The following MAP7D2 variants were observed in gnomAD, a reference collection of about 807,000 sequenced individuals.
MAP7D2 encodes the protein MAP7 domain containing 2.
MAP7D2 carries 33 observed loss-of-function variants against 63.5 expected under a neutral mutation model. The observed-to-expected ratio is 0.52, with a 90% confidence interval of 0.39 to 0.70. The LOEUF (loss-of-function observed/expected upper bound fraction) is 0.70, where lower values mean the gene tolerates loss of function less well. MAP7D2 is among the 30% of genes least tolerant of loss of function. The probability of loss-of-function intolerance (pLI) is 0.00; values close to 1 mark genes in which losing one functional copy is unlikely to be tolerated. For synonymous variants in MAP7D2, 224 were observed against 223.7 expected, an observed-to-expected ratio of 1.00 and a Z score of -0.01; for missense variants, 626 against 604.0, an observed-to-expected ratio of 1.04 and a Z score of -0.38.
At chrX:20,073,821 C>T (rs1172918091) in intron 1 of MAP7D2, among the ~76,000 whole-genome samples, 4 of 101,924 alleles carry the variant, frequency 3.9e-5, no homozygotes, top group African/African-American at 7.0e-5. Flanking sequence ...CCACTGCACC[C>T]GGCCCATTTC....
chrX:20,078,866 G>C (rs1470863447), intron 1 of MAP7D2, among the ~76,000 whole-genome samples: 1 of 109,121 alleles, frequency 9.2e-6, no homozygotes, highest in Non-Finnish European at 1.9e-5. Context: ...GACCCTCCCT[G>C]ATCTTTAATC....
intron 8 of MAP7D2, among the ~76,000 whole-genome samples, chrX:20,028,398 C>T (rs1194827796): frequency 8.9e-6 from 1 of 111,887 alleles, no homozygotes; most frequent in African/African-American, 3.3e-5. Flanking sequence ...AACTAAAAAT[C>T]CAAATAATCC....
At chrX:20,045,666 T>C (rs1211537021) in intron 6 of MAP7D2, among the ~76,000 whole-genome samples, 1 of 110,060 alleles carries the variant, frequency 9.1e-6, no homozygotes, top group Non-Finnish European at 1.9e-5. Context: ...GCACAACTAG[T>C]GTCAGAAATG....
chrX:20,095,544 C>T (rs2066234512), intron 1 of MAP7D2, among the ~76,000 whole-genome samples: 1 of 110,318 alleles, frequency 9.1e-6, no homozygotes, highest in African/African-American at 3.3e-5. Flanking sequence ...CCCTGTCTCC[C>T]CACTTCTCCC....
chrX:20,075,638 G>C (rs914612019), intron 1 of MAP7D2, among the ~76,000 whole-genome samples: 1 of 111,344 alleles, frequency 9.0e-6, no homozygotes, highest in Non-Finnish European at 1.9e-5. Flanking sequence ...GCCAGAGGAC[G>C]AGGCAAAAAG....
rs2073237514 is a variant in MAP7D2 at position 20,012,480 on chromosome X, T to A, written c.1941A>T (p.Pro647=). 1 of 1,203,118 alleles carries A rather than the reference T, an allele frequency of 8.3e-7. No individual in the cohort carries two copies. The highest frequency in any genetic ancestry group is 1.8e-5 in the African/African-American group (1 of 56,677). The change falls in exon 15 of 17, where the codon CCA becomes CCT. Residue 647 remains proline (P), a synonymous_variant. Coordinates refer to ENST00000379643, the MANE Select transcript of MAP7D2 (RefSeq NM_001168465.2). ...QEVNGVDHAA[P]ETYPQDIFSN... The stretch of plus-strand genomic sequence containing the variant: ...AGAAAATGTCTTGGGGATAAGTTTC[T>A]GGGGCAGCGTGATCCACACCATTAA...
intron 1 of MAP7D2, among the ~76,000 whole-genome samples, chrX:20,094,516 G>A (rs5909352): frequency 0.17 from 1,988 of 11,477 alleles, 182 homozygotes; most frequent in South Asian, 0.22. Flanking sequence ...ATATATATAT[G>A]TATATATATA....
chrX:20,044,924 G>A (rs938219654), intron 6 of MAP7D2, among the ~76,000 whole-genome samples: 6 of 111,723 alleles, frequency 5.4e-5, no homozygotes, highest in Non-Finnish European at 7.5e-5. Flanking sequence ...TTAGATTTCA[G>A]GAGGGTTCCC....
intron 7 of MAP7D2, 115 bp downstream of exon 7, chrX:20,044,249 G>T: frequency 1.3e-6 from 1 of 773,242 alleles, no homozygotes; most frequent in South Asian, 2.9e-5. Flanking sequence ...TTCCTGCTTT[G>T]AGCAGTCCCA....
intron 5 of MAP7D2, among the ~76,000 whole-genome samples, 171 bp from the exon 6 acceptor site, chrX:20,051,117 CA>C (rs1332191931): frequency 8.9e-6 from 1 of 112,483 alleles, no homozygotes; most frequent in Admixed American, 9.4e-5. Context: ...TAAAATAAAA[CA>C]AATAATGTGT....
intron 10 of MAP7D2, among the ~76,000 whole-genome samples, chrX:20,024,645 G>A (rs1444664317): frequency 8.9e-6 from 1 of 112,195 alleles, no homozygotes; most frequent in Non-Finnish European, 1.9e-5. Flanking sequence ...AGACTTCCCT[G>A]ATAGCTCTAG....
chrX:20,068,259 T>C (rs2065409356), intron 1 of MAP7D2, among the ~76,000 whole-genome samples: 1 of 111,735 alleles, frequency 8.9e-6, no homozygotes, highest in Non-Finnish European at 1.9e-5. Flanking sequence ...GGGCACACTT[T>C]AGGCGCTTAA....
chrX:20,071,852 A>G (rs1317171417), intron 1 of MAP7D2, among the ~76,000 whole-genome samples: 1 of 111,326 alleles, frequency 9.0e-6, no homozygotes, highest in East Asian at 2.8e-4. Flanking sequence ...ACTGGGTCTT[A>G]CTATGCTGCC....
At chrX:20,108,920 T>C (rs187277368) in intron 1 of MAP7D2, among the ~76,000 whole-genome samples, 83 of 110,156 alleles carry the variant, frequency 7.5e-4, no homozygotes, top group African/African-American at 2.7e-3. Flanking sequence ...TTAACAATAA[T>C]TGTGGGCACA....
At chrX:20,096,081 CAAAAAAAAAA>C (rs1208579984) in intron 1 of MAP7D2, among the ~76,000 whole-genome samples, 15 of 14,906 alleles carry the variant, frequency 1.0e-3, no homozygotes, top group Non-Finnish European at 1.6e-3. Context: ...GACTCTTCCT[CAAAAAAAAAA>C]AAAAAAAAAA....
intron 15 of MAP7D2, 125 bp downstream of exon 15, chrX:20,012,224 T>C: frequency 4.0e-6 from 2 of 500,256 alleles, no homozygotes; most frequent in Non-Finnish European, 6.5e-6. Context: ...ACTGAGAGCT[T>C]TCCTGTAATG....
Position 20,024,953 on chromosome X carries a change from AT to A in MAP7D2, c.1409del (p.Asp470ValfsTer8), listed in dbSNP as rs1305953519. 1 of 1,209,890 alleles carries A rather than the reference AT, an allele frequency of 8.3e-7. No homozygotes were observed. Among genetic ancestry groups the A allele is most frequent in the South Asian group, 1.8e-5 (1 of 56,596 alleles). ...EQERLEKEEQ[D>X]RLEREELKRK... is the part of the protein sequence containing the mutation. Reference sequence around the variant, plus strand: ...CGAAATTCTGAGCACTAGCATACCTATCTTGTTCTTCCTTCTCCAGTCGTTC... The same window carrying A: ...CGAAATTCTGAGCACTAGCATACCTACTTGTTCTTCCTTCTCCAGTCGTTC... On this transcript the variant is annotated frameshift_variant, in exon 10 of 17. Transcript: ENST00000379643. LOFTEE classifies it high-confidence loss of function.
chrX:20,044,491 C>T lies in MAP7D2; in HGVS notation c.752G>A (p.Gly251Asp). 1 of 1,209,912 alleles carries T rather than the reference C, an allele frequency of 8.3e-7. No individual in the cohort carries two copies. The highest frequency in any genetic ancestry group is 2.3e-4 in the Middle Eastern group (1 of 4,351). Residue 251 changes from glycine to aspartate, a missense_variant, in exon 7 of 17, where the codon GGC becomes GAC. Transcript: ENST00000379643. ...AGACTTGTAAGAAGGGTTAAGAGGG[C>T]CAAGAGGAGCTAAACGAGGACAGAC... ...FHVCPRLAPLGPLNPSYKSSP... is the reference protein window; with the variant it reads ...FHVCPRLAPLDPLNPSYKSSP...
intron 3 of MAP7D2, among the ~76,000 whole-genome samples, chrX:20,061,118 C>CAAAAAAAAAAAAAAAAAA (rs780468494): frequency 2.9e-5 from 1 of 34,878 alleles, no homozygotes; most frequent in Non-Finnish European, 5.2e-5. Flanking sequence ...AGAACATGAC[C>CAAAAAAAAAAAAAAAAAA]AAAAAAAAAA....
Sources: allele counts gnomAD v4.1 joint callset (sites outside exome capture counted in the v4.1 genomes callset), GRCh38; gene constraint gnomAD v4.1.1; transcripts MANE v1.5; gene names NCBI Gene and HGNC (gene_info 2026-07-23, HGNC 2026-07-21).